CRISPLD1: variants seen among roughly 807,000 people sequenced by gnomAD.
The protein encoded by CRISPLD1 is cysteine-rich secretory protein LCCL domain-containing 1.
In CRISPLD1, 60 loss-of-function variants were observed where a neutral mutation model predicts 77.5. The ratio of observed to expected loss-of-function variants is 0.77; its 90% CI spans 0.63 to 0.96. The LOEUF (loss-of-function observed/expected upper bound fraction) is 0.96. CRISPLD1 is among the 40% of genes least tolerant of loss of function. CRISPLD1 has a pLI of 0.00. For synonymous variants in CRISPLD1, 195 were observed against 200.1 expected (o/e 0.97, Z 0.22); for missense variants, 623 against 615.8 (o/e 1.01, Z -0.12).
At chr8:75,021,199 A>G (rs1390321120) in intron 12 of CRISPLD1, among the ~76,000 whole-genome samples, 6 of 152,198 alleles carry the variant, frequency 3.9e-5, no homozygotes, top group Admixed American at 6.5e-5. Context: ...AATGAAAGCA[A>G]TGTTTCACTT....
At chr8:74,996,373 T>C (rs1409022714) in intron 2 of CRISPLD1, among the ~76,000 whole-genome samples, 2 of 152,198 alleles carry the variant, frequency 1.3e-5, no homozygotes, top group Admixed American at 6.5e-5. Flanking sequence ...TGAGCACTTA[T>C]GTGACACACT....
intron 10 of CRISPLD1, among the ~76,000 whole-genome samples, chr8:75,019,596 T>TTA (rs561256052): frequency 2.9e-4 from 44 of 151,230 alleles, no homozygotes; most frequent in African/African-American, 6.3e-4. Flanking sequence ...AATATATTTT[T>TTA]TATATATATA....
rs185965283 is a variant in CRISPLD1, at chr8:75,012,611, T to A, written c.377+60T>A. The A allele has an allele frequency of 4.2e-4, 479 of 1,144,784 alleles. 1 individual carries two copies. Among genetic ancestry groups the A allele is most frequent in the Middle Eastern group, 2.3e-3 (12 of 5,134 alleles). The allele number at this position is 1,144,784 out of a possible 1,614,324, so 70.9% of individuals were successfully genotyped here. ...ATAAGTGTTTAAAATGAAGTCCTTA[T>A]TAATTCATCAGTACAATTTTTCAAA... On this transcript the variant is annotated intron_variant, in intron 3 of 14. Transcript: ENST00000262207.
intron 2 of CRISPLD1, among the ~76,000 whole-genome samples, chr8:75,002,323 G>A (rs778907397): frequency 6.7e-6 from 1 of 148,634 alleles, no homozygotes; most frequent in Admixed American, 6.8e-5. Context: ...AAATCAAGCA[G>A]ATTCTTATAG....
chr8:74,990,660 TCAAAA>T (rs1812558442), intron 2 of CRISPLD1, among the ~76,000 whole-genome samples: 1 of 150,704 alleles, frequency 6.6e-6, no homozygotes, highest in Non-Finnish European at 1.5e-5. Context: ...ACTGCAAGTG[TCAAAA>T]CAAAAACAAA....
intron 2 of CRISPLD1, among the ~76,000 whole-genome samples, chr8:74,997,216 G>A (rs1283185656): frequency 6.6e-6 from 1 of 152,164 alleles, no homozygotes; most frequent in Non-Finnish European, 1.5e-5. Flanking sequence ...GCTATATTCT[G>A]TGTGAGAGAT....
chr8:75,005,392 G>T (rs1587011853), intron 2 of CRISPLD1, among the ~76,000 whole-genome samples: 2 of 142,304 alleles, frequency 1.4e-5, no homozygotes, highest in African/African-American at 5.9e-5. Flanking sequence ...TATAATCAAA[G>T]ATATAAATTT....
At position 74,985,943 on chromosome 8, in the gene CRISPLD1, G is replaced by A. The variant is rs1587001543; in HGVS notation, c.-45G>A. 1.9e-6 allele frequency: 3 copies of A among 1,578,554 alleles called. No individual in the cohort carries two copies. The highest frequency in any genetic ancestry group is 2.6e-6 in the Non-Finnish European group (3 of 1,158,784). On this transcript the variant is annotated 5_prime_UTR_variant, in exon 2 of 15. Coordinates refer to ENST00000262207, the MANE Select transcript of CRISPLD1 (RefSeq NM_031461.6). ...CGTTATAGCCAAAAGGAGTGGAAGA[G>A]CCTGTCTTGGAGATTTTCCTGGGGA...
Position 75,033,880 on chromosome 8 carries a change from T to A in CRISPLD1, c.*1638T>A, listed in dbSNP as rs868496398. The A allele has an allele frequency of 6.6e-6, 1 of 152,030 alleles. No homozygotes were observed. Among genetic ancestry groups the A allele is most frequent in the African/African-American group, 2.4e-5 (1 of 41,436 alleles). 9.4% of individuals were successfully genotyped at this position (152,030 alleles called of 1,614,324 possible). On this transcript the variant is annotated 3_prime_UTR_variant, in exon 15 of 15. Transcript: ENST00000262207. ...CTTAAAAGCAGATTTTTATGGGAAC[T>A]TTTTTCGAAAGGATACATGACCACC...
intron 9 of CRISPLD1, 55 bp downstream of exon 9, chr8:75,017,168 A>AT: frequency 6.5e-7 from 1 of 1,549,568 alleles, no homozygotes; most frequent in Admixed American, 1.7e-5. Context: ...GTAATATTTG[A>AT]TTTTTATTGT....
chr8:75,027,138 T>G (rs1813248112), intron 13 of CRISPLD1, among the ~76,000 whole-genome samples: 1 of 152,184 alleles, frequency 6.6e-6, no homozygotes, highest in Non-Finnish European at 1.5e-5. Flanking sequence ...ATTATTACCG[T>G]ATCTCTTTTA....
intron 2 of CRISPLD1, among the ~76,000 whole-genome samples, chr8:74,990,426 T>G (rs2128780745): frequency 6.6e-6 from 1 of 152,314 alleles, no homozygotes; most frequent in African/African-American, 2.4e-5. Context: ...CCCATGCTCT[T>G]ATTTCCCACA....
rs936964920 is a variant in CRISPLD1, at chr8:75,034,345, G to A, written c.*2103G>A. 2 of 152,040 alleles carry A rather than the reference G, an allele frequency of 1.3e-5. No individual in the cohort carries two copies. Among genetic ancestry groups the A allele is most frequent in the African/African-American group, 4.8e-5 (2 of 41,424 alleles). The allele number at this position is 152,040 out of a possible 1,614,324, so 9.4% of individuals were successfully genotyped here. A position where few individuals can be genotyped will look rare whatever the true frequency, so the allele number is the denominator to read the frequency against. ...CTCTACGAATTAATTGACACATTAT[G>A]TGTGATGTACTTAAAGGAATAATAA... On this transcript the variant is annotated 3_prime_UTR_variant, in exon 15 of 15. Coordinates refer to ENST00000262207, the MANE Select transcript of CRISPLD1 (RefSeq NM_031461.6).
rs1257694923 is a variant in CRISPLD1 at position 75,000,110 on chromosome 8, T to G, written c.259-12323T>G. 4 of 983,192 alleles carry G rather than the reference T, an allele frequency of 4.1e-6. No individual in the cohort carries two copies. In the East Asian group the frequency reaches 3.4e-4, roughly 84 times the overall value. The allele number at this position is 983,192 out of a possible 1,614,324, so 60.9% of individuals were successfully genotyped here. A position where few individuals can be genotyped will look rare whatever the true frequency, so the allele number is the denominator to read the frequency against. ...CATGGGAGTTACTGTTTCTGGAATG[T>G]CCCCTGTATGTCATAGCAACTCAAA... On this transcript the variant is annotated intron_variant, in intron 2 of 14. Transcript: ENST00000262207.
Position 75,022,109 on chromosome 8 carries a change from C to T in CRISPLD1, c.1244+2030C>T, listed in dbSNP as rs181679197. 1.6e-4 allele frequency among the ~76,000 whole-genome samples: 24 copies of T among 152,204 alleles called. No homozygotes were observed. In the East Asian group the frequency reaches 4.6e-3, roughly 29 times the overall value. ...TCTTGGCTTGTTTCAGAAAGCAAAA[C>T]ATCGAAATAAGGAAAATGATATAAA... On this transcript the variant is annotated intron_variant, in intron 12 of 14. Coordinates refer to ENST00000262207, the MANE Select transcript of CRISPLD1 (RefSeq NM_031461.6).
At position 75,000,132 on chromosome 8, in the gene CRISPLD1, C is replaced by T. The variant is rs760224165; in HGVS notation, c.259-12301C>T. On this transcript the variant is annotated intron_variant, in intron 2 of 14. Coordinates refer to ENST00000262207, the MANE Select transcript of CRISPLD1 (RefSeq NM_031461.6). ...ATGTCCCCTGTATGTCATAGCAACT[C>T]AAACAATACAAAGTAACCACCAGAA... 1,003 of 984,724 alleles carry T rather than the reference C, an allele frequency of 1.0e-3. 3 individuals are homozygous for T. The highest frequency in any genetic ancestry group is 1.9e-3 in the Admixed American group (30 of 16,160). The allele number at this position is 984,724 out of a possible 1,614,324, so 61.0% of individuals were successfully genotyped here. A position where few individuals can be genotyped will look rare whatever the true frequency, so the allele number is the denominator to read the frequency against.
At chr8:74,989,103 A>G (rs1179658386) in intron 2 of CRISPLD1, among the ~76,000 whole-genome samples, 2 of 152,164 alleles carry the variant, frequency 1.3e-5, no homozygotes, top group African/African-American at 2.4e-5. Flanking sequence ...GGGGGTATAC[A>G]TCAATTAGAG....
At position 75,025,576 on chromosome 8, in the gene CRISPLD1, A is replaced by G. The variant is rs560619489; in HGVS notation, c.1275A>G (p.Ala425=). The change falls in exon 13 of 15, where the codon GCA becomes GCG. Residue 425 remains alanine (A), a synonymous_variant. Coordinates refer to ENST00000262207, the MANE Select transcript of CRISPLD1 (RefSeq NM_031461.6). ...ACTGTCCTCGTAACTGTATGCAAGC[A>G]AATCCACATTATGCTCGTGTAATTG... ...RVYCPRNCMQ[A]NPHYARVIGT... 5 of 1,589,620 alleles carry G rather than the reference A, an allele frequency of 3.1e-6. No homozygotes were observed. The South Asian group carries it at 5.6e-5, about 18-fold the overall frequency.
chr8:75,016,414 TCAC>T, intron 6 of CRISPLD1, 148 bp from the exon 7 acceptor site: 1 of 634,022 alleles, frequency 1.6e-6, no homozygotes. Context: ...GTACCTAAGA[TCAC>T]CACCTTAAGC....
Sources: gnomAD v4.1 joint callset for allele counts (sites outside exome capture counted in the v4.1 genomes callset) on GRCh38, gnomAD v4.1.1 for gene constraint, MANE v1.5 for transcripts, NCBI Gene and HGNC (gene_info 2026-07-23, HGNC 2026-07-21) for gene names.